The following USP53 variants were observed in gnomAD, a reference collection of about 807,000 sequenced individuals.
USP53 encodes ubiquitin specific peptidase 53, also known as ubiquitin carboxyl-terminal hydrolase 53.
In USP53, 71 loss-of-function variants were observed where a neutral mutation model predicts 94.9. The observed-to-expected ratio is 0.75, with a 90% CI of 0.62 to 0.91. The LOEUF is 0.91. USP53 is among the 40% of genes least tolerant of loss of function. The pLI is 0.00. For synonymous variants in USP53, 375 were observed against 422.7 expected, an observed-to-expected ratio of 0.89 and a Z score of 1.39; for missense variants, 1,173 against 1,281.0, an observed-to-expected ratio of 0.92 and a Z score of 1.29.
At chr4:119,214,303 C>G (rs1348136821) in intron 2 of USP53, 81 bp downstream of exon 2, 2 of 151,998 alleles carry the variant, frequency 1.3e-5, no homozygotes, top group East Asian at 3.8e-4. Flanking sequence ...CTCCTTGATA[C>G]AATTTGTGCA....
At chr4:119,249,491 AT>A (rs966921067) in intron 7 of USP53, among the ~76,000 whole-genome samples, 1 of 152,046 alleles carries the variant, frequency 6.6e-6, no homozygotes, top group Non-Finnish European at 1.5e-5. Flanking sequence ...AGTTGTAACC[AT>A]TTCTTCTCTC....
At chr4:119,213,086 C>G (rs1020394889) in intron 1 of USP53, 1 of 153,066 alleles carries the variant, frequency 6.5e-6, no homozygotes, top group Admixed American at 6.5e-5. Context: ...CCCTTCTCGC[C>G]GCGTCTGGCG....
chr4:119,279,493 G>C (rs1753177279), intron 17 of USP53, among the ~76,000 whole-genome samples: 1 of 148,832 alleles, frequency 6.7e-6, no homozygotes, highest in South Asian at 2.2e-4. Context: ...GAGAACCACT[G>C]CTCTCTTCAA....
chr4:119,230,248 T>C (rs1414757459), intron 3 of USP53, among the ~76,000 whole-genome samples: 1 of 152,232 alleles, frequency 6.6e-6, no homozygotes, highest in Non-Finnish European at 1.5e-5. Flanking sequence ...AGTGATCATA[T>C]AAAACATATA....
At chr4:119,259,165 C>A (rs1750148975) in intron 9 of USP53, among the ~76,000 whole-genome samples, 1 of 151,954 alleles carries the variant, frequency 6.6e-6, no homozygotes, top group African/African-American at 2.4e-5. Context: ...CCTGTAATCC[C>A]AGCTCCTCAA....
intron 17 of USP53, among the ~76,000 whole-genome samples, chr4:119,285,458 G>T (rs1374027392): frequency 6.6e-6 from 1 of 151,894 alleles, no homozygotes; most frequent in East Asian, 1.9e-4. Flanking sequence ...GATCCTAGAA[G>T]TCAGGATTAG....
In USP53 at chr4:119,233,942, G is replaced by A. The variant is rs868354267; in HGVS notation, c.-664-1348G>A. Among the ~76,000 whole-genome samples the A allele has an allele frequency of 4.6e-5, 7 of 152,114 alleles. No homozygotes were observed. In the South Asian group the frequency reaches 8.3e-4, roughly 18 times the overall value. On this transcript the variant is annotated intron_variant, in intron 3 of 18. Coordinates refer to ENST00000692078, the MANE Select transcript of USP53 (RefSeq NM_001371395.1). ...GGGCTGATTCGGGGTGATGCAGTTCGACAGTTGGTGCCAAAAAGGAACTTC... is the reference window on the plus strand; with the variant it reads ...GGGCTGATTCGGGGTGATGCAGTTCAACAGTTGGTGCCAAAAAGGAACTTC...
At chr4:119,217,081 T>C (rs919333301) in intron 2 of USP53, among the ~76,000 whole-genome samples, 1 of 152,198 alleles carries the variant, frequency 6.6e-6, no homozygotes, top group Non-Finnish European at 1.5e-5. Context: ...AGTTGAGCAA[T>C]GTGTTGTAAA....
chr4:119,225,795 G>T (rs1413291936), intron 3 of USP53, among the ~76,000 whole-genome samples: 3 of 151,300 alleles, frequency 2.0e-5, no homozygotes, highest in African/African-American at 2.4e-5. Context: ...ATCAGACAAA[G>T]ATATCACAAG....
At chr4:119,244,276 T>C (rs1057292194) in intron 5 of USP53, among the ~76,000 whole-genome samples, 1 of 152,250 alleles carries the variant, frequency 6.6e-6, no homozygotes, top group Non-Finnish European at 1.5e-5. Context: ...TCCTATTCAT[T>C]ATGCTTTAAT....
Position 119,273,706 on chromosome 4 carries a change from A to G in USP53, c.2249A>G (p.Glu750Gly). 1 of 1,609,968 alleles carries G rather than the reference A, an allele frequency of 6.2e-7. No individual in the cohort carries two copies. The change falls in exon 17 of 19, where the codon GAA becomes GGA. Residue 750 changes from glutamate to glycine, a missense_variant and splice_region_variant. Coordinates refer to ENST00000692078, the MANE Select transcript of USP53 (RefSeq NM_001371395.1). ...CTSLQSQHHL[E>G]GFRKELRNLE... is the part of the protein sequence containing the mutation. ...TCCCTTCAGAGCCAACATCACTTAG[A>G]AGGTAAAAAACTTATTTGAATATAA...
intron 5 of USP53, among the ~76,000 whole-genome samples, chr4:119,244,296 C>A (rs894676521): frequency 6.6e-6 from 1 of 151,994 alleles, no homozygotes; most frequent in African/African-American, 2.4e-5. Flanking sequence ...TAAAAGGCAA[C>A]GTTTAAAGAG....
At position 119,213,660 on chromosome 4, in the gene USP53, A is replaced by ATATATATGTG; in HGVS notation, c.-941-409_-941-408insATATATGTGT. Among the ~76,000 whole-genome samples the ATATATATGTG allele has an allele frequency of 3.4e-5, 4 of 117,780 alleles. No homozygotes were observed. The South Asian group carries it at 8.6e-4, about 25-fold the overall frequency. 77.3% of individuals were successfully genotyped at this position (117,780 alleles called of 152,430 possible). A position where few individuals can be genotyped will look rare whatever the true frequency, so the allele number is the denominator to read the frequency against. On this transcript the variant is annotated intron_variant, in intron 1 of 18. Transcript: ENST00000692078. ...GAAATAGATATATATATATATATAT[A>ATATATATGTG]TGTGTGTGTGTGTATGTATGTATGT... is the stretch of plus-strand genomic sequence containing the variant.
In USP53 at chr4:119,235,781, T is replaced by C. The variant is rs561057069; in HGVS notation, c.-543+370T>C. On this transcript the variant is annotated intron_variant, in intron 4 of 18. Coordinates refer to ENST00000692078, the MANE Select transcript of USP53 (RefSeq NM_001371395.1). ...TCACTGTGCTTGGAATTCCTTCTCT[T>C]AGGTGGCTTCTTCATCCCTTTCCAA... Among the ~76,000 whole-genome samples the C allele has an allele frequency of 5.3e-5, 8 of 152,312 alleles. No individual in the cohort carries two copies. In the South Asian group the frequency reaches 1.7e-3, roughly 32 times the overall value.
At chr4:119,213,010 C>T (rs1743071806) in intron 1 of USP53, 137 bp downstream of exon 1, 1 of 158,990 alleles carries the variant, frequency 6.3e-6, no homozygotes, top group South Asian at 1.7e-4. Context: ...GGCCCCGGCC[C>T]TCTGGGCACA....
intron 12 of USP53, among the ~76,000 whole-genome samples, chr4:119,267,084 T>G (rs1751220399): frequency 6.6e-6 from 1 of 152,222 alleles, no homozygotes; most frequent in Non-Finnish European, 1.5e-5. Flanking sequence ...TTTTTAAAAT[T>G]TAATCACCTT....
At chr4:119,261,230 G>A (rs987545410) in intron 11 of USP53, among the ~76,000 whole-genome samples, 1 of 151,976 alleles carries the variant, frequency 6.6e-6, no homozygotes, top group Non-Finnish European at 1.5e-5. Context: ...CAAAGTGCTG[G>A]GATTACAGGC....
At position 119,248,674 on chromosome 4, in the gene USP53, C is replaced by T. The variant is rs184828905; in HGVS notation, c.238-74C>T. On this transcript the variant is annotated intron_variant, in intron 6 of 18. Coordinates refer to ENST00000692078, the MANE Select transcript of USP53 (RefSeq NM_001371395.1). ...TCCAAGTATAGTGTTTTGAGTTTCT[C>T]TGTGTTGTAATGAAATTACTGAAAT... The T allele has an allele frequency of 1.4e-5, 22 of 1,532,936 alleles. No individual in the cohort carries two copies. The Admixed American group carries it at 4.3e-4, about 30-fold the overall frequency. The allele number at this position is 1,532,936 out of a possible 1,614,324, so 95.0% of individuals were successfully genotyped here. A position where few individuals can be genotyped will look rare whatever the true frequency, so the allele number is the denominator to read the frequency against.
intron 3 of USP53, among the ~76,000 whole-genome samples, chr4:119,228,780 T>G (rs2149290959): frequency 6.6e-6 from 1 of 152,290 alleles, no homozygotes; most frequent in African/African-American, 2.4e-5. Flanking sequence ...AACTTAAACA[T>G]CCTATGTACA....
Sources: allele counts gnomAD v4.1 joint callset (sites outside exome capture counted in the v4.1 genomes callset), GRCh38; gene constraint gnomAD v4.1.1; transcripts MANE v1.5; gene names NCBI Gene and HGNC (gene_info 2026-07-23, HGNC 2026-07-21).